Variants in GRIA3 observed in about 807,000 individuals in gnomAD.
The protein encoded by GRIA3 is glutamate ionotropic receptor AMPA type subunit 3.
A neutral mutation model predicts 63.0 loss-of-function variants in GRIA3; 3 were observed. The observed-to-expected ratio is 0.05, with a 90% confidence interval of 0.02 to 0.12. The LOEUF (loss-of-function observed/expected upper bound fraction) is 0.12, where lower values mean the gene tolerates loss of function less well. Among genes scored for constraint, GRIA3 ranks in the 10% least tolerant of loss-of-function variants. The pLI is 1.00. For missense variants in GRIA3, 347 were observed against 700.9 expected (o/e 0.50, Z 5.70); for synonymous variants, 274 against 257.9 (o/e 1.06, Z -0.60).
intron 15 of GRIA3, 79 bp from the exon 16 acceptor site, chrX:123,488,634 A>T: frequency 8.9e-6 from 1 of 112,414 alleles, no homozygotes; most frequent in African/African-American, 3.2e-5. Flanking sequence ...GTTTTGTCCA[A>T]GATAGACTGA....
intron 3 of GRIA3, among the ~76,000 whole-genome samples, chrX:123,302,370 A>T (rs1238015260): frequency 9.0e-6 from 1 of 111,628 alleles, no homozygotes; most frequent in Non-Finnish European, 1.9e-5. Flanking sequence ...TGTCTTTCCA[A>T]TTCCAATATA....
chrX:123,355,499 T>G lies in GRIA3; in HGVS notation c.750+536T>G, dbSNP rs1336919158. Reference sequence around the variant, plus strand: ...TTCAAACTTCCCATGCCTTTAAAATTTGTGACACTGTAGAAGCTAGTATTT... The same window carrying G: ...TTCAAACTTCCCATGCCTTTAAAATGTGTGACACTGTAGAAGCTAGTATTT... On this transcript the variant is annotated intron_variant, in intron 5 of 15. Coordinates refer to ENST00000620443, the MANE Select transcript of GRIA3 (RefSeq NM_007325.5). Among the ~76,000 whole-genome samples, 5 of 112,359 alleles carry G rather than the reference T, an allele frequency of 4.5e-5. No homozygotes were observed. The East Asian group carries it at 1.4e-3, about 31-fold the overall frequency.
intron 5 of GRIA3, among the ~76,000 whole-genome samples, chrX:123,357,808 A>C (rs2045143221): frequency 9.0e-6 from 1 of 111,570 alleles, no homozygotes; most frequent in Non-Finnish European, 1.9e-5. Flanking sequence ...GTATGATGTC[A>C]GTCTAAGTAA....
chrX:123,223,908 T>C (rs62594060), intron 2 of GRIA3, among the ~76,000 whole-genome samples: 2 of 112,274 alleles, frequency 1.8e-5, no homozygotes, highest in Non-Finnish European at 3.8e-5. Context: ...TTGCCAAAAG[T>C]ACATGAGGTC....
At chrX:123,377,644 CT>C (rs2045295368) in intron 5 of GRIA3, among the ~76,000 whole-genome samples, 1 of 112,032 alleles carries the variant, frequency 8.9e-6, no homozygotes, top group Middle Eastern at 4.2e-3. Flanking sequence ...AGTGAAATTC[CT>C]TAAAATAATT....
intron 2 of GRIA3, among the ~76,000 whole-genome samples, chrX:123,199,776 A>G (rs144948832): frequency 0.019 from 2,088 of 111,697 alleles, 43 homozygotes; most frequent in African/African-American, 0.064. Flanking sequence ...AGGCGCCACA[A>G]TTAATCGTAT....
At chrX:123,251,714 G>A (rs1018887540) in intron 2 of GRIA3, among the ~76,000 whole-genome samples, 2 of 111,867 alleles carry the variant, frequency 1.8e-5, no homozygotes, top group Admixed American at 9.4e-5. Flanking sequence ...GATTACAGGC[G>A]TGAGCCACCG....
At chrX:123,405,674 A>G (rs1485515107) in intron 10 of GRIA3, among the ~76,000 whole-genome samples, 1 of 111,780 alleles carries the variant, frequency 8.9e-6, no homozygotes, top group African/African-American at 3.3e-5. Flanking sequence ...GTGTCTCTTC[A>G]GCAGCTAATA....
At position 123,354,923 on chromosome X, in the gene GRIA3, G is replaced by A. The variant is rs751978044; in HGVS notation, c.710G>A (p.Gly237Glu). The A allele has an allele frequency of 1.1e-5, 13 of 1,195,733 alleles. No individual in the cohort carries two copies. Among genetic ancestry groups the A allele is most frequent in the Non-Finnish European group, 1.5e-5 (13 of 882,433 alleles). The stretch of plus-strand genomic sequence containing the variant: ...TTCTTTCTGCAGGTTGTGATCCTAG[G>A]GAAACACTCAAGAGGTTATCACTAC... ...NTILEQVVIL[G>E]KHSRGYHYML... is the part of the protein sequence containing the mutation. Residue 237 changes from glycine to glutamate, a missense_variant, in exon 5 of 16, where the codon GGG becomes GAG. Coordinates refer to ENST00000620443, the MANE Select transcript of GRIA3 (RefSeq NM_007325.5).
At chrX:123,253,690 T>C in intron 3 of GRIA3, 148 bp downstream of exon 3, 1 of 544,400 alleles carries the variant, frequency 1.8e-6, no homozygotes, top group Non-Finnish European at 2.9e-6. Context: ...AAGGTTAAGA[T>C]TAAAAAATAA....
At chrX:123,425,314 C>T (rs532657639) in intron 11 of GRIA3, among the ~76,000 whole-genome samples, 1 of 111,444 alleles carries the variant, frequency 9.0e-6, no homozygotes, top group African/African-American at 3.3e-5. Context: ...CTGTAAAATA[C>T]CTCTGTTTGC....
chrX:123,185,916 C>T lies in GRIA3; in HGVS notation c.194C>T (p.Thr65Ile). ...VQLYNTNQNT[T>I]EKPFHLNYHV... The stretch of plus-strand genomic sequence containing the variant: ...TTATACAACACCAACCAGAACACCA[C>T]CGAGAAGCCCTTCCATTTGAATTAC... The change falls in exon 2 of 16, where the codon ACC becomes ATC. Residue 65 changes from threonine (T) to isoleucine (I), a missense_variant. This residue lies in a region of GRIA3 where 29 missense variants were observed against 69.4 expected (regional missense o/e 0.42). Coordinates refer to ENST00000620443, the MANE Select transcript of GRIA3 (RefSeq NM_007325.5). 2.5e-6 allele frequency: 3 copies of T among 1,204,278 alleles called. No individual in the cohort carries two copies. Among genetic ancestry groups the T allele is most frequent in the Non-Finnish European group, 3.4e-6 (3 of 888,737 alleles).
chrX:123,298,696 T>C lies in GRIA3; in HGVS notation c.509-27330T>C, dbSNP rs142818926. 8.4e-3 allele frequency among the ~76,000 whole-genome samples: 938 copies of C among 111,337 alleles called. 14 individuals carry two copies. Among genetic ancestry groups the C allele is most frequent in the African/African-American group, 0.029 (884 of 30,708 alleles). On this transcript the variant is annotated intron_variant, in intron 3 of 15. Coordinates refer to ENST00000620443, the MANE Select transcript of GRIA3 (RefSeq NM_007325.5). ...TTGTGTAGGTTGTCTATTTATACTG[T>C]TGATAGTTTATTTTGTTATGCAGAA...
At chrX:123,457,085 G>A (rs7889668) in intron 12 of GRIA3, among the ~76,000 whole-genome samples, 1,714 of 111,795 alleles carry the variant, frequency 0.015, 33 homozygotes, top group African/African-American at 0.052. Context: ...AGCAAAATGA[G>A]TGAGGAAAAG....
intron 5 of GRIA3, among the ~76,000 whole-genome samples, chrX:123,359,274 T>C (rs1025517053): frequency 3.6e-5 from 4 of 112,199 alleles, no homozygotes; most frequent in Non-Finnish European, 7.5e-5. Context: ...AAAGTAGATA[T>C]ATAGATAAAA....
chrX:123,487,103 G>A (rs2045946035), intron 15 of GRIA3, among the ~76,000 whole-genome samples: 1 of 112,411 alleles, frequency 8.9e-6, no homozygotes, highest in African/African-American at 3.2e-5. Context: ...TTGACTACCT[G>A]GTGCCTCTCT....
intron 2 of GRIA3, 73 bp from the exon 3 acceptor site, chrX:123,253,230 G>A (rs1020834874): frequency 4.4e-6 from 5 of 1,146,603 alleles, no homozygotes; most frequent in South Asian, 3.6e-5. Context: ...ATTGTACATT[G>A]TATTTCTAAC....
At chrX:123,401,239 GT>G (rs2045442040) in intron 7 of GRIA3, among the ~76,000 whole-genome samples, 1 of 111,769 alleles carries the variant, frequency 8.9e-6, no homozygotes, top group African/African-American at 3.2e-5. Context: ...CAAATCATGC[GT>G]CTGGAATCTG....
chrX:123,385,024 T>C (rs2045346604), intron 5 of GRIA3, among the ~76,000 whole-genome samples: 1 of 112,483 alleles, frequency 8.9e-6, no homozygotes, highest in Non-Finnish European at 1.9e-5. Flanking sequence ...TTGTCAATTT[T>C]TGCTTTCGTT....
Sources: allele counts gnomAD v4.1 joint callset (sites outside exome capture counted in the v4.1 genomes callset), GRCh38; gene constraint gnomAD v4.1.1; regional missense constraint gnomAD v4.1.1; transcripts MANE v1.5; gene names NCBI Gene and HGNC (gene_info 2026-07-23, HGNC 2026-07-21).